DLD: variants seen among roughly 807,000 people sequenced by gnomAD.
The protein encoded by DLD is dihydrolipoyl dehydrogenase, mitochondrial.
DLD carries 36 observed loss-of-function variants against 62.2 expected under a neutral mutation model. The observed-to-expected ratio is 0.58, with a 90% CI of 0.44 to 0.76. The LOEUF (loss-of-function observed/expected upper bound fraction) is 0.76. DLD is among the 30% of genes least tolerant of loss of function. The probability of loss-of-function intolerance (pLI) is 0.00; values close to 1 mark genes in which losing one functional copy is unlikely to be tolerated. For missense variants in DLD, 541 were observed against 608.6 expected (o/e 0.89, Z 1.17); for synonymous variants, 204 against 199.6 (o/e 1.02, Z -0.19).
At position 107,905,354 on chromosome 7, in the gene DLD, T is replaced by C. The variant is rs10263341; in HGVS notation, c.439-7T>C. 0.6 allele frequency: 961,061 copies of C among 1,608,560 alleles called. 292,000 individuals carry two copies. The highest frequency in any genetic ancestry group is 0.86 in the East Asian group (38,695 of 44,812). The stretch of plus-strand genomic sequence containing the variant: ...CTTTGTGAATTTATAAAGATTATTT[T>C]GTAAAGGTTGTTCATGTCAATGGAT... On this transcript the variant is annotated splice_region_variant and splice_polypyrimidine_tract_variant and intron_variant, in intron 6 of 13. Transcript: ENST00000205402.
chr7:107,910,510 CTG>C (rs1208219678), intron 8 of DLD, among the ~76,000 whole-genome samples: 6 of 152,156 alleles, frequency 3.9e-5, no homozygotes, highest in East Asian at 3.8e-4. Context: ...ATTCACATAA[CTG>C]TATTTTCATT....
At chr7:107,895,952 CTGTTAGTGTTTATTTCTAGGTAGA>C (rs1042634122) in intron 2 of DLD, among the ~76,000 whole-genome samples, 1 of 152,126 alleles carries the variant, frequency 6.6e-6, no homozygotes, top group Admixed American at 6.5e-5. Flanking sequence ...GAAATGCCTG[CTGTTAGTGTTTATTTCTAGGTAGA>C]TGGAACAGAT....
chr7:107,902,793 ACTTTTAAAG>A (rs1300097954), intron 4 of DLD, among the ~76,000 whole-genome samples: 1 of 152,130 alleles, frequency 6.6e-6, no homozygotes, highest in East Asian at 1.9e-4. Flanking sequence ...TTATGCCTTT[ACTTTTAAAG>A]AAAGTAAAAA....
intron 1 of DLD, among the ~76,000 whole-genome samples, chr7:107,892,307 A>G (rs1433785796): frequency 6.6e-6 from 1 of 152,198 alleles, no homozygotes; most frequent in African/African-American, 2.4e-5. Flanking sequence ...CAATTTGTCA[A>G]ACTGTAGTAG....
At chr7:107,910,968 G>A (rs554681420) in intron 8 of DLD, among the ~76,000 whole-genome samples, 1 of 151,946 alleles carries the variant, frequency 6.6e-6, no homozygotes, top group South Asian at 2.1e-4. Context: ...CCTTTCTTTT[G>A]TCTTGTTTGC....
intron 8 of DLD, among the ~76,000 whole-genome samples, chr7:107,911,825 A>T (rs10953553): frequency 0.66 from 100,220 of 151,864 alleles, 33,867 homozygotes; most frequent in East Asian, 0.85. Context: ...ACATTTTTTT[A>T]AATGCTAGGA....
intron 1 of DLD, chr7:107,891,609 G>T (rs1028576997): frequency 2.1e-5 from 11 of 535,360 alleles, no homozygotes; most frequent in Non-Finnish European, 3.4e-5. Flanking sequence ...TACCTTGGAG[G>T]AAGTGTAAGC....
chr7:107,896,404 A>G (rs2031725509), intron 2 of DLD, among the ~76,000 whole-genome samples: 1 of 152,216 alleles, frequency 6.6e-6, no homozygotes. Context: ...CCTAGGCTGC[A>G]GGTGTCATCC....
intron 8 of DLD, among the ~76,000 whole-genome samples, chr7:107,908,432 C>T (rs193211176): frequency 2.6e-5 from 4 of 152,094 alleles, no homozygotes; most frequent in East Asian, 3.9e-4. Flanking sequence ...CTTTGGGAGG[C>T]TGAGGCAGGC....
At chr7:107,891,908 C>CT (rs1423266060) in intron 1 of DLD, among the ~76,000 whole-genome samples, 2 of 152,162 alleles carry the variant, frequency 1.3e-5, no homozygotes, top group African/African-American at 4.8e-5. Flanking sequence ...AATCTGCTTA[C>CT]CAGATACAGC....
At chr7:107,911,582 C>T (rs2032141712) in intron 8 of DLD, among the ~76,000 whole-genome samples, 2 of 152,102 alleles carry the variant, frequency 1.3e-5, no homozygotes, top group Non-Finnish European at 2.9e-5. Flanking sequence ...ACAATCCCAC[C>T]AGCAACGTAA....
intron 9 of DLD, 147 bp downstream of exon 9, chr7:107,915,843 A>G: frequency 1.5e-6 from 1 of 670,112 alleles, no homozygotes; most frequent in Non-Finnish European, 2.5e-6. Context: ...TTATCAAATT[A>G]TTGCATTAGC....
intron 7 of DLD, 88 bp downstream of exon 7, chr7:107,905,592 A>G (rs984873742): frequency 7.1e-7 from 1 of 1,415,396 alleles, no homozygotes; most frequent in African/African-American, 1.4e-5. Context: ...GAACTTTGAG[A>G]GATTTCTGAC....
intron 2 of DLD, among the ~76,000 whole-genome samples, chr7:107,898,786 G>T (rs1418683744): frequency 2.0e-5 from 3 of 150,322 alleles, no homozygotes; most frequent in South Asian, 2.1e-4. Flanking sequence ...TAGAGACGGG[G>T]TTTGGTCTTG....
At chr7:107,898,172 C>T (rs1375247302) in intron 2 of DLD, among the ~76,000 whole-genome samples, 1 of 151,700 alleles carries the variant, frequency 6.6e-6, no homozygotes, top group Non-Finnish European at 1.5e-5. Flanking sequence ...GTTTGAATCA[C>T]TTCACTGAAA....
Position 107,916,799 on chromosome 7 carries a change from A to C in DLD, c.881A>C (p.Glu294Ala). ...ATACACTGTTTGTTATCTAGTATTGAAGCTGCTTCTGGTGGTAAAGCTGAA... is the reference window on the plus strand; with the variant it reads ...ATACACTGTTTGTTATCTAGTATTGCAGCTGCTTCTGGTGGTAAAGCTGAA... ...KSDGKIDVSI[E>A]AASGGKAEVI... Residue 294 changes from glutamate (E) to alanine (A), a missense_variant, in exon 10 of 14, where the codon GAA (glutamate) becomes GCA (alanine). Transcript: ENST00000205402. The C allele has an allele frequency of 1.9e-6, 3 of 1,613,222 alleles. No individual in the cohort carries two copies. The highest frequency in any genetic ancestry group is 2.5e-6 in the Non-Finnish European group (3 of 1,179,808).
At chr7:107,915,289 A>G (rs940852536) in intron 8 of DLD, among the ~76,000 whole-genome samples, 1 of 152,194 alleles carries the variant, frequency 6.6e-6, no homozygotes, top group Non-Finnish European at 1.5e-5. Context: ...AATATTGCCT[A>G]CCATGTAGTA....
Position 107,921,084 on chromosome 7 carries a change from G to A in DLD, c.*1825G>A, listed in dbSNP as rs1023449607. Reference sequence around the variant, plus strand: ...GGAATAGTGAAATATAATTTAATATGGAATTCTAGCTGTAGAGTTAAATCC... The same window carrying A: ...GGAATAGTGAAATATAATTTAATATAGAATTCTAGCTGTAGAGTTAAATCC... On this transcript the variant is annotated 3_prime_UTR_variant, in exon 14 of 14. Transcript: ENST00000205402. 2.0e-5 allele frequency: 3 copies of A among 152,302 alleles called. No homozygotes were observed. Among genetic ancestry groups the A allele is most frequent in the African/African-American group, 7.2e-5 (3 of 41,430 alleles). The allele number at this position is 152,302 out of a possible 1,614,324, so 9.4% of individuals were successfully genotyped here.
rs777884525 is a variant in DLD at position 107,919,242 on chromosome 7, AAATC to A, written c.1520_1523del (p.Ile507ThrfsTer40). 1.9e-6 allele frequency: 3 copies of A among 1,612,020 alleles called. No homozygotes were observed. The highest frequency in any genetic ancestry group is 2.5e-6 in the Non-Finnish European group (3 of 1,179,080). ...AGCAAATCTTGCTGCGTCATTTGGC[AAATC>A]AATCAACTTTTGAATTAGAAGATTA... On this transcript the variant is annotated frameshift_variant, in exon 14 of 14. Transcript: ENST00000205402. LOFTEE classifies it high-confidence loss of function.
Sources: allele counts gnomAD v4.1 joint callset (sites outside exome capture counted in the v4.1 genomes callset), GRCh38; gene constraint gnomAD v4.1.1; transcripts MANE v1.5; gene names NCBI Gene and HGNC (gene_info 2026-07-23, HGNC 2026-07-21).